FREM2: variants seen among roughly 807,000 people sequenced by gnomAD.
The protein encoded by FREM2 is FRAS1-related extracellular matrix protein 2.
A neutral mutation model predicts 219.9 loss-of-function variants in FREM2; 119 were observed. The ratio of observed to expected loss-of-function variants is 0.54; its 90% confidence interval spans 0.47 to 0.63. The LOEUF (loss-of-function observed/expected upper bound fraction) is 0.63. FREM2 is among the 30% of genes least tolerant of loss of function. The pLI is 0.00. For missense variants in FREM2, 4,030 were observed against 3,993.6 expected (o/e 1.01, Z -0.25); for synonymous variants, 1,562 against 1,522.8 (o/e 1.03, Z -0.60).
At chr13:38,808,257 G>C (rs1391439873) in intron 6 of FREM2, among the ~76,000 whole-genome samples, 1 of 151,810 alleles carries the variant, frequency 6.6e-6, no homozygotes, top group Non-Finnish European at 1.5e-5. Context: ...TGTTTTGGCT[G>C]GTTTGATATT....
At position 38,713,872 on chromosome 13, in the gene FREM2, C is replaced by A. The variant is rs147459343; in HGVS notation, c.5263+16085C>A. Among the ~76,000 whole-genome samples, 415 of 152,300 alleles carry A rather than the reference C, an allele frequency of 2.7e-3. 2 individuals carry two copies. Among genetic ancestry groups the A allele is most frequent in the African/African-American group, 9.4e-3 (390 of 41,582 alleles). On this transcript the variant is annotated intron_variant, in intron 2 of 23. Transcript: ENST00000280481. The stretch of plus-strand genomic sequence containing the variant: ...AATGACTGGAGACATTTTTGACTTA[C>A]CCACTTGGGGGAAAGGGGTAGAATG...
At chr13:38,830,765 A>G (rs1422088098) in intron 6 of FREM2, among the ~76,000 whole-genome samples, 1 of 152,036 alleles carries the variant, frequency 6.6e-6, no homozygotes, top group Non-Finnish European at 1.5e-5. Context: ...TTGAAGGTCC[A>G]GCTCACATTT....
chr13:38,746,306 A>G (rs1042410488), intron 2 of FREM2, among the ~76,000 whole-genome samples: 1 of 152,200 alleles, frequency 6.6e-6, no homozygotes, highest in African/African-American at 2.4e-5. Context: ...GCTACTATTC[A>G]TATGTCTTAT....
intron 6 of FREM2, among the ~76,000 whole-genome samples, chr13:38,795,503 T>C (rs1426689490): frequency 2.1e-4 from 32 of 152,098 alleles, no homozygotes. Flanking sequence ...TGAGTATTTG[T>C]TACATGCATA....
At chr13:38,806,559 A>T (rs1875235517) in intron 6 of FREM2, among the ~76,000 whole-genome samples, 1 of 151,986 alleles carries the variant, frequency 6.6e-6, no homozygotes, top group Non-Finnish European at 1.5e-5. Context: ...TGTGTCTAAA[A>T]ATGTACATAC....
rs1200740597 is a variant in FREM2, at chr13:38,764,289, A to AT, written c.5264-10dup. ...AGAAAGCACTAATTTATGGCTTTAA[A>AT]TTTTTATTTTCAAGGTGGAAACAAG... On this transcript the variant is annotated splice_polypyrimidine_tract_variant and intron_variant, in intron 2 of 23. Coordinates refer to ENST00000280481, the MANE Select transcript of FREM2 (RefSeq NM_207361.6). 6.2e-7 allele frequency: 1 copy of AT among 1,602,356 alleles called. No individual in the cohort carries two copies.
intron 6 of FREM2, among the ~76,000 whole-genome samples, chr13:38,804,231 T>G (rs1875133448): frequency 6.6e-6 from 1 of 151,862 alleles, no homozygotes; most frequent in South Asian, 2.1e-4. Context: ...ATTCTAACAA[T>G]TCGCTGAAAG....
intron 6 of FREM2, among the ~76,000 whole-genome samples, chr13:38,809,572 A>G (rs955269064): frequency 1.3e-5 from 2 of 152,088 alleles, no homozygotes; most frequent in Non-Finnish European, 2.9e-5. Flanking sequence ...AGAACAATTT[A>G]TTGAAGAGAC....
At chr13:38,859,161 A>G in intron 13 of FREM2, 126 bp from the exon 14 acceptor site, 1 of 853,146 alleles carries the variant, frequency 1.2e-6, no homozygotes, top group Non-Finnish European at 2.0e-6. Context: ...AAAATTCGGA[A>G]GCTGTATAAA....
intron 2 of FREM2, among the ~76,000 whole-genome samples, chr13:38,711,129 G>T (rs1870753485): frequency 6.6e-6 from 1 of 152,128 alleles, no homozygotes. Flanking sequence ...TGAGAATGGA[G>T]TGAGTTTACA....
At chr13:38,830,728 G>A (rs974962857) in intron 6 of FREM2, among the ~76,000 whole-genome samples, 1 of 151,746 alleles carries the variant, frequency 6.6e-6, no homozygotes, top group Non-Finnish European at 1.5e-5. Flanking sequence ...TATCTGAGAT[G>A]CTTTTCCTCT....
intron 6 of FREM2, 46 bp downstream of exon 6, chr13:38,784,854 C>T: frequency 6.3e-7 from 1 of 1,596,698 alleles, no homozygotes. Flanking sequence ...GGAAGATCAA[C>T]ATCAGGAACA....
chr13:38,848,632 G>C lies in FREM2; in HGVS notation c.6341G>C (p.Ser2114Thr), dbSNP rs763529013. 6.2e-7 allele frequency: 1 copy of C among 1,613,986 alleles called. No individual in the cohort carries two copies. Residue 2114 changes from serine to threonine, a missense_variant, in exon 8 of 24, where the codon AGC becomes ACC. By Grantham distance (58) the Ser-to-Thr change is moderately conservative. Coordinates refer to ENST00000280481, the MANE Select transcript of FREM2 (RefSeq NM_207361.6). Reference protein sequence around the residue: ...MPMNAALGEPSKATVSINDSV... With the variant: ...MPMNAALGEPTKATVSINDSV... ...ATGAACGCAGCCCTTGGCGAGCCCA[G>C]CAAAGCCACAGTGTCCATAAATGAC...
chr13:38,806,541 A>G (rs927738057), intron 6 of FREM2, among the ~76,000 whole-genome samples: 14 of 152,004 alleles, frequency 9.2e-5, no homozygotes, highest in African/African-American at 2.4e-4. Context: ...TTAAGTATGC[A>G]ATAGTATTGT....
Position 38,847,171 on chromosome 13 carries a change from A to G in FREM2, c.6169+449A>G, listed in dbSNP as rs987275484. ...GTGTCCCTATAAATACTTCAGATCC[A>G]AAAGGTTTTTTCCACACTTCGTTAT... On this transcript the variant is annotated intron_variant, in intron 7 of 23. Transcript: ENST00000280481. 1.2e-4 allele frequency among the ~76,000 whole-genome samples: 18 copies of G among 151,388 alleles called. No homozygotes were observed. In the Admixed American group the frequency reaches 1.2e-3, roughly 10 times the overall value.
intron 16 of FREM2, among the ~76,000 whole-genome samples, chr13:38,872,135 T>A (rs1345506331): frequency 6.6e-6 from 1 of 152,186 alleles, no homozygotes; most frequent in Non-Finnish European, 1.5e-5. Flanking sequence ...AATTAAGTAT[T>A]GAAACGTGCT....
chr13:38,850,260 C>A, intron 9 of FREM2, 25 bp downstream of exon 9: 1 of 1,608,596 alleles, frequency 6.2e-7, no homozygotes, highest in South Asian at 1.1e-5. Flanking sequence ...GAAATTTTTT[C>A]GTGAAATTTG....
chr13:38,707,332 A>G (rs1327953958), intron 2 of FREM2, among the ~76,000 whole-genome samples: 2 of 152,236 alleles, frequency 1.3e-5, no homozygotes, highest in Admixed American at 1.3e-4. Flanking sequence ...GAAATTATAC[A>G]AAAAGATTAG....
At chr13:38,722,574 G>A (rs1309044965) in intron 2 of FREM2, among the ~76,000 whole-genome samples, 1 of 152,036 alleles carries the variant, frequency 6.6e-6, no homozygotes, top group East Asian at 1.9e-4. Flanking sequence ...CCTGGAGGGT[G>A]TCTTCTAACA....
Sources: gnomAD v4.1 joint callset for allele counts (sites outside exome capture counted in the v4.1 genomes callset) on GRCh38, gnomAD v4.1.1 for gene constraint, MANE v1.5 for transcripts, NCBI Gene and HGNC (gene_info 2026-07-23, HGNC 2026-07-21) for gene names.